The following PPM1E variants were observed in gnomAD, a reference collection of about 807,000 sequenced individuals.
The protein encoded by PPM1E is protein phosphatase, Mg2+/Mn2+ dependent 1E, also known as protein phosphatase 1E.
In PPM1E, 20 loss-of-function variants were observed where a neutral mutation model predicts 65.9. That is an observed-to-expected ratio of 0.30 (90% CI 0.21 to 0.44). The LOEUF (loss-of-function observed/expected upper bound fraction) is 0.44, where lower values mean the gene tolerates loss of function less well. Among genes scored for constraint, PPM1E ranks in the 20% least tolerant of loss-of-function variants. The pLI is 1.00. For missense variants in PPM1E, 713 were observed against 953.1 expected (o/e 0.75, Z 3.32); for synonymous variants, 352 against 374.9 (o/e 0.94, Z 0.70).
At chr17:58,863,915 G>A (rs190226848) in intron 1 of PPM1E, among the ~76,000 whole-genome samples, 1 of 152,134 alleles carries the variant, frequency 6.6e-6, no homozygotes, top group African/African-American at 2.4e-5. Context: ...GGGGTCTGGG[G>A]TTCTTATGGG....
chr17:58,782,929 A>G (rs531798894), intron 1 of PPM1E, among the ~76,000 whole-genome samples: 1 of 152,308 alleles, frequency 6.6e-6, no homozygotes, highest in East Asian at 1.9e-4. Context: ...TTTTCCATCA[A>G]GGAGAATAAT....
At chr17:58,870,968 G>A (rs1443100483) in intron 1 of PPM1E, among the ~76,000 whole-genome samples, 2 of 152,118 alleles carry the variant, frequency 1.3e-5, no homozygotes, top group Admixed American at 6.6e-5. Context: ...TCCCTTTTAT[G>A]TGTCTTGGTG....
At chr17:58,925,322 T>A (rs540632540) in intron 1 of PPM1E, among the ~76,000 whole-genome samples, 138 of 152,280 alleles carry the variant, frequency 9.1e-4, no homozygotes, top group African/African-American at 3.2e-3. Context: ...GTTTCTCTAA[T>A]CATTAGTGAT....
rs769666977 is a variant in PPM1E, at chr17:58,756,073, T to TGCG, written c.86_88dup (p.Gly29dup). ...ATTCCTGGGCGAGTTTCGCGGACCG[T>TGCG]GCGGCGGCGGCGAGCCGGAGCCGGA... On this transcript the variant is annotated inframe_insertion, in exon 1 of 7. Transcript: ENST00000308249. 9 of 1,611,746 alleles carry TGCG rather than the reference T, an allele frequency of 5.6e-6. No homozygotes were observed. The highest frequency in any genetic ancestry group is 4.5e-5 in the East Asian group (2 of 44,748).
intron 1 of PPM1E, among the ~76,000 whole-genome samples, chr17:58,927,080 C>A (rs1449679559): frequency 1.4e-5 from 2 of 146,882 alleles, no homozygotes; most frequent in Non-Finnish European, 1.5e-5. Flanking sequence ...AAAATATATT[C>A]ATTTTTATAC....
intron 1 of PPM1E, among the ~76,000 whole-genome samples, chr17:58,937,412 C>T (rs777952328): frequency 6.7e-5 from 10 of 149,566 alleles, no homozygotes; most frequent in Non-Finnish European, 1.0e-4. Context: ...TACAGGTGCC[C>T]GCCACCACGC....
chr17:58,927,694 G>C (rs557108032), intron 1 of PPM1E, among the ~76,000 whole-genome samples: 1 of 152,126 alleles, frequency 6.6e-6, no homozygotes, highest in South Asian at 2.1e-4. Context: ...TGGATTGCTT[G>C]AGCCCAGTTC....
chr17:58,816,652 A>G (rs1443951551), intron 1 of PPM1E, among the ~76,000 whole-genome samples: 1 of 149,310 alleles, frequency 6.7e-6, no homozygotes, highest in Non-Finnish European at 1.5e-5. Context: ...AAGTGTAATC[A>G]TATAATATTT....
Position 58,980,038 on chromosome 17 carries a change from G to C in PPM1E, c.1275G>C (p.Gly425=). ...ATTCTGCCTCCACTGTTCTGGATGG[G>C]ACCGAAGACTACCTCATTCTGGCCT... ...DADSASTVLD[G]TEDYLILACD... is the part of the protein sequence containing the mutation. Residue 425 remains glycine (G), a synonymous_variant, in exon 7 of 7, where the codon GGG becomes GGC. Coordinates refer to ENST00000308249, the MANE Select transcript of PPM1E (RefSeq NM_014906.5). The surrounding 1 kb of genome is among the most constrained non-coding windows in gnomAD (Gnocchi z 4.7). The C allele has an allele frequency of 6.2e-7, 1 of 1,614,118 alleles. No individual in the cohort carries two copies. Among genetic ancestry groups the C allele is most frequent in the East Asian group, 2.2e-5 (1 of 44,862 alleles).
chr17:58,776,449 T>G (rs1309766547), intron 1 of PPM1E, among the ~76,000 whole-genome samples: 2 of 152,194 alleles, frequency 1.3e-5, no homozygotes, highest in African/African-American at 2.4e-5. Flanking sequence ...CATACCAATT[T>G]TGAAAAATTA....
chr17:58,868,487 G>A (rs1477394474), intron 1 of PPM1E, among the ~76,000 whole-genome samples: 2 of 151,602 alleles, frequency 1.3e-5, no homozygotes, highest in East Asian at 3.9e-4. Flanking sequence ...TTTCCTCAGG[G>A]CACTCCTATT....
At chr17:58,883,785 C>T (rs957752861) in intron 1 of PPM1E, among the ~76,000 whole-genome samples, 10 of 152,154 alleles carry the variant, frequency 6.6e-5, no homozygotes, top group African/African-American at 2.2e-4. Flanking sequence ...GCGCCCGGCC[C>T]GCTGCCTGTT....
At chr17:58,895,304 C>T (rs2143446709) in intron 1 of PPM1E, among the ~76,000 whole-genome samples, 1 of 152,228 alleles carries the variant, frequency 6.6e-6, no homozygotes, top group East Asian at 1.9e-4. Context: ...CAGTTAATAA[C>T]CCTACAATGG....
chr17:58,957,015 T>C (rs1041527862), intron 2 of PPM1E, among the ~76,000 whole-genome samples: 32 of 152,198 alleles, frequency 2.1e-4, no homozygotes, highest in Non-Finnish European at 4.3e-4. Flanking sequence ...TGTTCCAGAG[T>C]CAAGTTGGAT....
At chr17:58,833,844 T>C (rs1171348143) in intron 1 of PPM1E, among the ~76,000 whole-genome samples, 2 of 152,206 alleles carry the variant, frequency 1.3e-5, no homozygotes, top group Non-Finnish European at 2.9e-5. Context: ...CTAATTTGCA[T>C]TCTCACCAAC....
At chr17:58,827,211 T>A (rs1268565349) in intron 1 of PPM1E, among the ~76,000 whole-genome samples, 1 of 150,474 alleles carries the variant, frequency 6.6e-6, no homozygotes, top group Non-Finnish European at 1.5e-5. Context: ...GATCTTGGTT[T>A]ACTGCAATCT....
At chr17:58,805,569 C>A (rs1421392304) in intron 1 of PPM1E, among the ~76,000 whole-genome samples, 1 of 151,974 alleles carries the variant, frequency 6.6e-6, no homozygotes, top group East Asian at 1.9e-4. Context: ...AGTCTTTTAT[C>A]CCTCACCCCC....
chr17:58,898,741 A>G (rs1281742636), intron 1 of PPM1E, among the ~76,000 whole-genome samples: 2 of 152,212 alleles, frequency 1.3e-5, no homozygotes, highest in African/African-American at 4.8e-5. Flanking sequence ...TCACAATAGC[A>G]AAGACTTGGA....
At chr17:58,868,398 A>G (rs2051030048) in intron 1 of PPM1E, among the ~76,000 whole-genome samples, 1 of 152,062 alleles carries the variant, frequency 6.6e-6, no homozygotes, top group African/African-American at 2.4e-5. Context: ...ATTTTTAAAG[A>G]GCTTGGTTTG....
Sources: gnomAD v4.1 joint callset for allele counts (sites outside exome capture counted in the v4.1 genomes callset) on GRCh38, gnomAD v4.1.1 for gene constraint, Gnocchi (gnomAD v3.1) non-coding constraint, MANE v1.5 for transcripts, NCBI Gene and HGNC (gene_info 2026-07-23, HGNC 2026-07-21) for gene names.